TLL1: variants seen among roughly 807,000 people sequenced by gnomAD.
The protein encoded by TLL1 is tolloid like 1, also known as tolloid-like protein 1.
In TLL1, 49 loss-of-function variants were observed where a neutral mutation model predicts 128.2. The ratio of observed to expected loss-of-function variants is 0.38; its 90% CI spans 0.30 to 0.48. The LOEUF (loss-of-function observed/expected upper bound fraction) is 0.48, where lower values mean the gene tolerates loss of function less well. Among genes scored for constraint, TLL1 ranks in the 20% least tolerant of loss-of-function variants. The pLI is 0.96. For synonymous variants in TLL1, 454 were observed against 418.8 expected (o/e 1.08, Z -1.03); for missense variants, 1,123 against 1,242.0 (o/e 0.90, Z 1.44).
intron 12 of TLL1, among the ~76,000 whole-genome samples, chr4:166,053,543 C>A (rs1303842812): frequency 6.6e-6 from 1 of 152,006 alleles, no homozygotes; most frequent in Non-Finnish European, 1.5e-5. Context: ...AAATGTAGTA[C>A]CTAGTTCTAA....
At chr4:165,878,949 T>C (rs993749235) in intron 1 of TLL1, among the ~76,000 whole-genome samples, 6 of 98,818 alleles carry the variant, frequency 6.1e-5, no homozygotes, top group Non-Finnish European at 1.2e-4. Context: ...TTTTTTTTTT[T>C]CTGAGACAGG....
intron 1 of TLL1, among the ~76,000 whole-genome samples, chr4:165,956,536 A>C (rs776240354): frequency 6.6e-6 from 1 of 151,092 alleles, no homozygotes; most frequent in Admixed American, 6.6e-5. Context: ...AAGAAAAGTG[A>C]CTTTTTTTGC....
At chr4:165,962,922 G>C (rs757652983) in intron 1 of TLL1, among the ~76,000 whole-genome samples, 4 of 151,176 alleles carry the variant, frequency 2.6e-5, no homozygotes, top group Non-Finnish European at 4.4e-5. Context: ...AGGCATGGTG[G>C]CACGTGCCTG....
chr4:166,084,912 G>GTT (rs57229144), intron 18 of TLL1, among the ~76,000 whole-genome samples: 23 of 149,326 alleles, frequency 1.5e-4, no homozygotes, highest in African/African-American at 4.7e-4. Context: ...ACATTTTAGT[G>GTT]TTTTTTTTTC....
At chr4:165,977,386 C>T (rs2110989723) in intron 1 of TLL1, among the ~76,000 whole-genome samples, 1 of 152,314 alleles carries the variant, frequency 6.6e-6, no homozygotes, top group Non-Finnish European at 1.5e-5. Context: ...GATGTGCTTG[C>T]TTTCCCTTCT....
intron 18 of TLL1, 36 bp from the exon 19 acceptor site, chr4:166,091,089 GTTT>G (rs33952157): frequency 0.69 from 1,078,822 of 1,553,568 alleles, 377,023 homozygotes; most frequent in Middle Eastern, 0.78. Flanking sequence ...TGAGTGATTT[GTTT>G]TTTTTTAAAA....
At chr4:166,034,765 T>G (rs1038741601) in intron 9 of TLL1, among the ~76,000 whole-genome samples, 1 of 152,136 alleles carries the variant, frequency 6.6e-6, no homozygotes, top group Non-Finnish European at 1.5e-5. Context: ...CTGAGTCCAT[T>G]AATGCCTCTA....
chr4:165,976,319 G>C (rs1025083414), intron 1 of TLL1, among the ~76,000 whole-genome samples: 1 of 152,046 alleles, frequency 6.6e-6, no homozygotes, highest in Non-Finnish European at 1.5e-5. Flanking sequence ...AGAAAATATA[G>C]TTTAAAATGT....
At position 165,953,691 on chromosome 4, in the gene TLL1, G is replaced by C. The variant is rs113644310; in HGVS notation, c.170-35690G>C. On this transcript the variant is annotated intron_variant, in intron 1 of 20. Transcript: ENST00000061240. ...AATAGAGTGAATTTCACTCAGTCTA[G>C]TCAAGGACGAAATGCCATTTACACA... Among the ~76,000 whole-genome samples the C allele has an allele frequency of 4.8e-3, 725 of 151,376 alleles. 4 individuals are homozygous for C. The highest frequency in any genetic ancestry group is 8.2e-3 in the Non-Finnish European group (557 of 67,900).
At chr4:165,875,161 A>G (rs769877798) in intron 1 of TLL1, 2 of 152,370 alleles carry the variant, frequency 1.3e-5, no homozygotes, top group Non-Finnish European at 2.9e-5. Context: ...AGCGAAGCGC[A>G]GAGGAAGGGA....
intron 1 of TLL1, among the ~76,000 whole-genome samples, chr4:165,986,289 G>A (rs1488422619): frequency 2.0e-5 from 3 of 151,930 alleles, no homozygotes; most frequent in Non-Finnish European, 2.9e-5. Context: ...CTGTGCCAAC[G>A]CATAAGTAAA....
chr4:165,889,005 A>T (rs1251488192), intron 1 of TLL1, among the ~76,000 whole-genome samples: 1 of 152,186 alleles, frequency 6.6e-6, no homozygotes, highest in Non-Finnish European at 1.5e-5. Context: ...GGATTCTCTC[A>T]TTCACTCAGT....
intron 1 of TLL1, among the ~76,000 whole-genome samples, chr4:165,971,946 T>A (rs560097178): frequency 1.3e-5 from 2 of 152,228 alleles, no homozygotes; most frequent in Admixed American, 1.3e-4. Flanking sequence ...ATTTACAGGG[T>A]TAGAGTGACA....
At chr4:165,946,923 G>A (rs567343259) in intron 1 of TLL1, among the ~76,000 whole-genome samples, 1 of 152,008 alleles carries the variant, frequency 6.6e-6, no homozygotes, top group Non-Finnish European at 1.5e-5. Context: ...ATGATGAAGA[G>A]AGACTGGCAA....
intron 1 of TLL1, among the ~76,000 whole-genome samples, chr4:165,876,688 T>A (rs1730737507): frequency 6.6e-6 from 1 of 152,212 alleles, no homozygotes; most frequent in Non-Finnish European, 1.5e-5. Flanking sequence ...AGGTTACATG[T>A]CTTCATTAAG....
chr4:166,041,382 C>T (rs1485058627), intron 10 of TLL1, among the ~76,000 whole-genome samples: 6 of 150,806 alleles, frequency 4.0e-5, no homozygotes, highest in African/African-American at 1.5e-4. Context: ...CTCACTGCAA[C>T]CTCTGCCTCT....
At chr4:165,939,414 T>C (rs183189407) in intron 1 of TLL1, among the ~76,000 whole-genome samples, 1 of 152,250 alleles carries the variant, frequency 6.6e-6, no homozygotes, top group African/African-American at 2.4e-5. Context: ...ATATCTTGCA[T>C]CTGACTAGTG....
At chr4:166,063,488 G>A (rs191020581) in intron 15 of TLL1, among the ~76,000 whole-genome samples, 4 of 152,030 alleles carry the variant, frequency 2.6e-5, no homozygotes, top group Non-Finnish European at 4.4e-5. Flanking sequence ...ACCCCATTAC[G>A]GGGTATATAC....
chr4:165,978,343 T>C (rs760200375), intron 1 of TLL1, among the ~76,000 whole-genome samples: 58 of 151,952 alleles, frequency 3.8e-4, no homozygotes, highest in Non-Finnish European at 8.2e-4. Context: ...TTAATTATAA[T>C]TTTATATAGA....
Sources: gnomAD v4.1 joint callset for allele counts (sites outside exome capture counted in the v4.1 genomes callset) on GRCh38, gnomAD v4.1.1 for gene constraint, MANE v1.5 for transcripts, NCBI Gene and HGNC (gene_info 2026-07-23, HGNC 2026-07-21) for gene names.